The following SH2D4B variants were observed in gnomAD, a reference collection of about 807,000 sequenced individuals.
SH2D4B encodes the protein SH2 domain-containing protein 4B.
Under a neutral mutation model 61.5 loss-of-function variants are expected in SH2D4B, and 45 were observed. The ratio of observed to expected loss-of-function variants is 0.73; its 90% CI spans 0.58 to 0.94. SH2D4B has a LOEUF of 0.94. SH2D4B is among the 40% of genes least tolerant of loss of function. The pLI is 0.00. For missense variants in SH2D4B, 572 were observed against 574.2 expected, an observed-to-expected ratio of 1.00 and a Z score of 0.04; for synonymous variants, 224 against 220.4, an observed-to-expected ratio of 1.02 and a Z score of -0.14.
intron 1 of SH2D4B, among the ~76,000 whole-genome samples, chr10:80,556,422 A>G (rs1263411183): frequency 2.0e-5 from 3 of 152,224 alleles, no homozygotes; most frequent in Non-Finnish European, 4.4e-5. Context: ...TGTTTTGACT[A>G]TTCTAGGTCC....
rs562855821 is a variant in SH2D4B, at chr10:80,564,205, G to A, written c.185-5949G>A. ...TTGCAGCTTATTCTTTTTATGTCTT[G>A]TAGAACAAATTCTTCCCTTTCCCAA... On this transcript the variant is annotated intron_variant, in intron 1 of 7. Transcript: ENST00000646907. Among the ~76,000 whole-genome samples, 8 of 152,140 alleles carry A rather than the reference G, an allele frequency of 5.3e-5. No homozygotes were observed. In the South Asian group the frequency reaches 1.7e-3, roughly 32 times the overall value.
At chr10:80,627,655 A>G (rs867939666) in intron 6 of SH2D4B, among the ~76,000 whole-genome samples, 1 of 126,450 alleles carries the variant, frequency 7.9e-6, no homozygotes, top group African/African-American at 2.6e-5. Context: ...CAAAATTCCC[A>G]TCAATCTTCA....
intron 6 of SH2D4B, among the ~76,000 whole-genome samples, chr10:80,626,153 A>AT (rs35031186): frequency 2.7e-4 from 40 of 149,442 alleles, no homozygotes; most frequent in African/African-American, 7.9e-4. Flanking sequence ...ATCCAGGATA[A>AT]TTTTTTTTTT....
intron 1 of SH2D4B, among the ~76,000 whole-genome samples, chr10:80,552,384 C>T (rs995186634): frequency 3.9e-5 from 6 of 152,204 alleles, no homozygotes; most frequent in Non-Finnish European, 7.3e-5. Flanking sequence ...TGCGCTACTT[C>T]AGGACTCCAG....
At chr10:80,573,143 C>G (rs1842083837) in intron 3 of SH2D4B, among the ~76,000 whole-genome samples, 1 of 147,660 alleles carries the variant, frequency 6.8e-6, no homozygotes, top group South Asian at 2.2e-4. Context: ...CGCCACCGCG[C>G]CCGGCTAATT....
At chr10:80,552,524 T>G (rs1841775205) in intron 1 of SH2D4B, among the ~76,000 whole-genome samples, 1 of 152,144 alleles carries the variant, frequency 6.6e-6, no homozygotes, top group African/African-American at 2.4e-5. Context: ...CTGCTTCCAC[T>G]TCCAGCCTGG....
chr10:80,624,833 A>C lies in SH2D4B; in HGVS notation c.989-9452A>C, dbSNP rs140772507. ...ATCAATTTTGAATGAATGCCATAGC[A>C]GTAATGTGTGAGAAGCTGCAGAACA... On this transcript the variant is annotated intron_variant, in intron 6 of 7. Coordinates refer to ENST00000646907, the MANE Select transcript of SH2D4B (RefSeq NM_001388272.1). 1.7e-3 allele frequency among the ~76,000 whole-genome samples: 265 copies of C among 152,348 alleles called. 3 individuals carry two copies. Among genetic ancestry groups the C allele is most frequent in the African/African-American group, 5.9e-3 (247 of 41,586 alleles).
At chr10:80,643,288 A>G (rs1387056184) in intron 7 of SH2D4B, among the ~76,000 whole-genome samples, 1 of 148,268 alleles carries the variant, frequency 6.7e-6, no homozygotes, top group Non-Finnish European at 1.5e-5. Context: ...TTCATGGATG[A>G]CTTATTTCTT....
chr10:80,605,955 G>A (rs544090586), intron 5 of SH2D4B, among the ~76,000 whole-genome samples: 145 of 152,346 alleles, frequency 9.5e-4, no homozygotes, highest in African/African-American at 3.2e-3. Flanking sequence ...CTGGCTCTGG[G>A]CTGGCTTTGT....
chr10:80,543,539 C>T (rs1237154626), intron 1 of SH2D4B, among the ~76,000 whole-genome samples: 14 of 152,202 alleles, frequency 9.2e-5, no homozygotes, highest in Non-Finnish European at 1.2e-4. Context: ...CCCCGATGAG[C>T]GCCACCCCCT....
At chr10:80,599,506 G>GT (rs1431813885) in intron 4 of SH2D4B, among the ~76,000 whole-genome samples, 2 of 152,142 alleles carry the variant, frequency 1.3e-5, no homozygotes, top group South Asian at 2.1e-4. Flanking sequence ...GGGCTTTATG[G>GT]TTCCCCAAAG....
chr10:80,644,899 A>G lies in SH2D4B; in HGVS notation c.*814A>G, dbSNP rs2098324861. On this transcript the variant is annotated 3_prime_UTR_variant, in exon 8 of 8. Coordinates refer to ENST00000646907, the MANE Select transcript of SH2D4B (RefSeq NM_001388272.1). ...GGCCCTCTCTATGCAGGTTACTCCAATGATTAGCTCTGTCCTCATTGTCCT... is the reference window on the plus strand; with the variant it reads ...GGCCCTCTCTATGCAGGTTACTCCAGTGATTAGCTCTGTCCTCATTGTCCT... 6.6e-6 allele frequency: 1 copy of G among 152,212 alleles called. No homozygotes were observed. Among genetic ancestry groups the G allele is most frequent in the African/African-American group, 2.4e-5 (1 of 41,448 alleles). The allele number at this position is 152,212 out of a possible 1,614,324, so 9.4% of individuals were successfully genotyped here.
chr10:80,554,552 G>C (rs1054615614), intron 1 of SH2D4B, among the ~76,000 whole-genome samples: 1 of 152,112 alleles, frequency 6.6e-6, no homozygotes, highest in African/African-American at 2.4e-5. Context: ...CAGCAAGGTG[G>C]AAACTCAAGC....
chr10:80,617,546 T>G (rs1842674200), intron 6 of SH2D4B, among the ~76,000 whole-genome samples: 1 of 152,214 alleles, frequency 6.6e-6, no homozygotes, highest in African/African-American at 2.4e-5. Flanking sequence ...TGTTGAGTGC[T>G]AAGTACAGGG....
chr10:80,560,930 T>C (rs1478982542), intron 1 of SH2D4B, among the ~76,000 whole-genome samples: 1 of 152,126 alleles, frequency 6.6e-6, no homozygotes, highest in Admixed American at 6.5e-5. Context: ...TTGGTGGTAG[T>C]CATTGTATTT....
At chr10:80,596,077 C>A (rs1049144917) in intron 4 of SH2D4B, among the ~76,000 whole-genome samples, 1 of 152,188 alleles carries the variant, frequency 6.6e-6, no homozygotes, top group African/African-American at 2.4e-5. Flanking sequence ...TTCACTGTTA[C>A]CAGTTACTTC....
intron 7 of SH2D4B, 66 bp downstream of exon 7, chr10:80,634,571 G>C: frequency 6.6e-7 from 1 of 1,526,700 alleles, no homozygotes; most frequent in Non-Finnish European, 8.8e-7. Context: ...TGAAGAGAGA[G>C]CTAGAGCAAG....
intron 3 of SH2D4B, among the ~76,000 whole-genome samples, chr10:80,580,088 T>G (rs955399899): frequency 6.6e-6 from 1 of 152,238 alleles, no homozygotes; most frequent in African/African-American, 2.4e-5. Flanking sequence ...CAGCTCACTG[T>G]GGTGTTATTG....
chr10:80,606,144 A>C (rs1269822334), intron 5 of SH2D4B, among the ~76,000 whole-genome samples: 1 of 152,136 alleles, frequency 6.6e-6, no homozygotes, highest in East Asian at 1.9e-4. Context: ...GGCGCCTGTC[A>C]GCACACCTCA....
Sources: allele counts gnomAD v4.1 joint callset (sites outside exome capture counted in the v4.1 genomes callset), GRCh38; gene constraint gnomAD v4.1.1; transcripts MANE v1.5; gene names NCBI Gene and HGNC (gene_info 2026-07-23, HGNC 2026-07-21).